Variants in CRIM1 observed in about 807,000 individuals in gnomAD.
CRIM1 encodes the protein cysteine rich transmembrane BMP regulator 1.
CRIM1 carries 32 observed loss-of-function variants against 116.4 expected under a neutral mutation model. That is an observed-to-expected ratio of 0.27 (90% confidence interval 0.21 to 0.37). The LOEUF is 0.37. CRIM1 is among the 10% of genes least tolerant of loss of function. The pLI is 1.00. For synonymous variants in CRIM1, 590 were observed against 509.2 expected (o/e 1.16, Z -2.13); for missense variants, 1,331 against 1,354.8 (o/e 0.98, Z 0.28).
At chr2:36,441,615 T>G in intron 3 of CRIM1, 115 bp downstream of exon 3, 6 of 1,301,228 alleles carry the variant, frequency 4.6e-6, no homozygotes, top group Non-Finnish European at 6.4e-6. Flanking sequence ...CTCACCGGTG[T>G]CCTGTGAATC....
intron 1 of CRIM1, among the ~76,000 whole-genome samples, chr2:36,368,290 T>C (rs1053972852): frequency 2.0e-5 from 3 of 152,228 alleles, no homozygotes; most frequent in Non-Finnish European, 4.4e-5. Context: ...GCAAGCTCCC[T>C]CACCTCTGTG....
chr2:36,373,834 G>T (rs1369456891), intron 1 of CRIM1, among the ~76,000 whole-genome samples: 1 of 152,154 alleles, frequency 6.6e-6, no homozygotes. Context: ...TCATGTGCGT[G>T]TCCTGGTAGT....
intron 2 of CRIM1, among the ~76,000 whole-genome samples, chr2:36,433,807 A>G (rs573617078): frequency 1.3e-5 from 2 of 152,260 alleles, no homozygotes; most frequent in South Asian, 4.2e-4. Flanking sequence ...CTGCACAGTG[A>G]TGCAAACTAG....
intron 1 of CRIM1, among the ~76,000 whole-genome samples, chr2:36,368,245 GGAT>G (rs1456516435): frequency 1.3e-5 from 2 of 152,242 alleles, no homozygotes; most frequent in Non-Finnish European, 2.9e-5. Context: ...GAGGATGAAA[GGAT>G]GATTCCTGCA....
At chr2:36,545,499 C>G (rs1667260718) in intron 15 of CRIM1, among the ~76,000 whole-genome samples, 1 of 152,098 alleles carries the variant, frequency 6.6e-6, no homozygotes, top group Admixed American at 6.6e-5. Context: ...TGTTATAAAG[C>G]CCCTAAAGAG....
chr2:36,418,170 A>G (rs577500082), intron 2 of CRIM1, among the ~76,000 whole-genome samples: 4 of 152,328 alleles, frequency 2.6e-5, no homozygotes, highest in Admixed American at 1.3e-4. Context: ...CCTGAATTTT[A>G]GAAATGTAGC....
chr2:36,510,266 G>T, intron 9 of CRIM1, 127 bp downstream of exon 9: 1 of 805,112 alleles, frequency 1.2e-6, no homozygotes, highest in Non-Finnish European at 1.9e-6. Flanking sequence ...GTCTATACTT[G>T]TTTTGTTAGG....
intron 2 of CRIM1, among the ~76,000 whole-genome samples, chr2:36,428,107 T>A (rs1017784270): frequency 6.6e-6 from 1 of 152,234 alleles, no homozygotes; most frequent in Non-Finnish European, 1.5e-5. Context: ...ATGTAAGAGA[T>A]CAAATAACTA....
intron 4 of CRIM1, among the ~76,000 whole-genome samples, chr2:36,453,625 AT>A (rs1676902483): frequency 1.3e-5 from 2 of 152,238 alleles, no homozygotes; most frequent in Admixed American, 1.3e-4. Context: ...AGCATTTGTC[AT>A]GTGCCAGGCA....
chr2:36,464,104 A>G (rs895554231), intron 4 of CRIM1, among the ~76,000 whole-genome samples: 1 of 152,208 alleles, frequency 6.6e-6, no homozygotes. Context: ...CATCAGTTGC[A>G]GCAAAGGAGC....
intron 13 of CRIM1, 51 bp downstream of exon 13, chr2:36,522,364 C>A (rs1572922107): frequency 1.5e-6 from 2 of 1,363,126 alleles, no homozygotes; most frequent in Non-Finnish European, 2.1e-6. Flanking sequence ...GTCACTAAAT[C>A]TGTATTGACA....
chr2:36,411,986 A>C (rs149565403), intron 2 of CRIM1, among the ~76,000 whole-genome samples: 3 of 152,190 alleles, frequency 2.0e-5, no homozygotes, highest in African/African-American at 4.8e-5. Flanking sequence ...TGTGTTGTCT[A>C]TCTGCTTCCC....
At chr2:36,406,061 C>G (rs1343700661) in intron 2 of CRIM1, among the ~76,000 whole-genome samples, 1 of 152,120 alleles carries the variant, frequency 6.6e-6, no homozygotes, top group African/African-American at 2.4e-5. Flanking sequence ...TCCTGTATGG[C>G]ATTAAATGCC....
chr2:36,385,196 G>T (rs1671088544), intron 1 of CRIM1, among the ~76,000 whole-genome samples: 1 of 152,064 alleles, frequency 6.6e-6, no homozygotes, highest in Non-Finnish European at 1.5e-5. Context: ...ATAATCGTTG[G>T]AATTTATGTC....
intron 14 of CRIM1, among the ~76,000 whole-genome samples, chr2:36,539,568 A>G (rs1026458346): frequency 4.6e-5 from 7 of 152,182 alleles, no homozygotes; most frequent in African/African-American, 1.7e-4. Flanking sequence ...ACTGTGGGGC[A>G]TGGAGGTCAA....
At chr2:36,390,353 A>G (rs1303811143) in intron 1 of CRIM1, among the ~76,000 whole-genome samples, 1 of 152,206 alleles carries the variant, frequency 6.6e-6, no homozygotes, top group East Asian at 1.9e-4. Flanking sequence ...AATGCAAACA[A>G]TAAGAACTCA....
chr2:36,356,966 C>T lies in CRIM1; in HGVS notation c.331+343C>T, dbSNP rs1342132203. ...AGGTGGGGGCGCCGCGGGCGGGGGG[C>T]ACTGCAGATTCTGCCGCGCGCGAGC... On this transcript the variant is annotated intron_variant, in intron 1 of 16. Coordinates refer to ENST00000280527, the MANE Select transcript of CRIM1 (RefSeq NM_016441.3). This position sits in a 1 kb window ranked among gnomAD's most constrained non-coding sequence, Gnocchi z 4.3. Among the ~76,000 whole-genome samples, 1 of 152,170 alleles carries T rather than the reference C, an allele frequency of 6.6e-6. No individual in the cohort carries two copies. Among genetic ancestry groups the T allele is most frequent in the Non-Finnish European group, 1.5e-5 (1 of 68,014 alleles).
intron 8 of CRIM1, among the ~76,000 whole-genome samples, chr2:36,506,877 A>C (rs1414011800): frequency 6.6e-6 from 1 of 151,558 alleles, no homozygotes; most frequent in Non-Finnish European, 1.5e-5. Flanking sequence ...TTTTTTTTAG[A>C]CACAGGTTCT....
chr2:36,470,717 G>A (rs372465712), intron 5 of CRIM1, among the ~76,000 whole-genome samples: 4 of 152,142 alleles, frequency 2.6e-5, no homozygotes, highest in Admixed American at 6.6e-5. Context: ...TGTTGTTTTC[G>A]TGCCTAACAC....
Sources: gnomAD v4.1 joint callset for allele counts (sites outside exome capture counted in the v4.1 genomes callset) on GRCh38, gnomAD v4.1.1 for gene constraint, Gnocchi (gnomAD v3.1) non-coding constraint, MANE v1.5 for transcripts, NCBI Gene and HGNC (gene_info 2026-07-23, HGNC 2026-07-21) for gene names.